The following TNRC6C variants were observed in gnomAD, a reference collection of about 807,000 sequenced individuals.
TNRC6C encodes trinucleotide repeat containing adaptor 6C, also known as trinucleotide repeat-containing gene 6C protein.
A neutral mutation model predicts 153.7 loss-of-function variants in TNRC6C; 20 were observed. That is an observed-to-expected ratio of 0.13 (90% CI 0.09 to 0.19). TNRC6C has a LOEUF of 0.19. Among genes scored for constraint, TNRC6C ranks in the 10% least tolerant of loss-of-function variants. The pLI, the probability that TNRC6C is intolerant of heterozygous loss-of-function variation, is 1.00. For missense variants in TNRC6C, 1,987 were observed against 2,172.0 expected (o/e 0.91, Z 1.69); for synonymous variants, 811 against 841.4 (o/e 0.96, Z 0.63).
At chr17:78,028,262 A>T (rs2071986905) in intron 1 of TNRC6C, among the ~76,000 whole-genome samples, 2 of 151,892 alleles carry the variant, frequency 1.3e-5, no homozygotes, top group South Asian at 2.1e-4. Flanking sequence ...TTTTCTGGGG[A>T]TGGGGAGAAG....
intron 1 of TNRC6C, among the ~76,000 whole-genome samples, chr17:78,025,605 A>G (rs938598162): frequency 4.7e-4 from 72 of 152,254 alleles, no homozygotes; most frequent in African/African-American, 1.6e-3. Context: ...GTAAATACCT[A>G]TTAGCTTTTC....
chr17:78,105,010 CAG>C, exon 20 of TNRC6C: 1 of 872,128 alleles, frequency 1.1e-6, no homozygotes, highest in Non-Finnish European at 1.6e-6. Context: ...GTTCGCAAAA[CAG>C]TGCGGGCTGC....
chr17:78,048,138 G>A (rs1326175933), intron 2 of TNRC6C, among the ~76,000 whole-genome samples: 1 of 150,562 alleles, frequency 6.6e-6, no homozygotes, highest in Non-Finnish European at 1.5e-5. Context: ...TTTTAGTGAT[G>A]TCCTTGAGCT....
At position 78,031,550 on chromosome 17, in the gene TNRC6C, C is replaced by T. The variant is rs185687023; in HGVS notation, c.-511C>T. 1.5e-5 allele frequency: 19 copies of T among 1,232,274 alleles called. No individual in the cohort carries two copies. In the Admixed American group the frequency reaches 7.6e-4, roughly 49 times the overall value. 76.3% of individuals were successfully genotyped at this position (1,232,274 alleles called of 1,614,324 possible). ...CTACTAAGACCTGTTCAAGCCAGCCCCAACCTGCCGGTACCAGTACCAGTA... is the reference window on the plus strand; with the variant it reads ...CTACTAAGACCTGTTCAAGCCAGCCTCAACCTGCCGGTACCAGTACCAGTA... On this transcript the variant is annotated 5_prime_UTR_variant, in exon 2 of 20. Coordinates refer to ENST00000301624, the Ensembl canonical transcript of TNRC6C.
chr17:77,996,037 C>T (rs112878654), intron 1 of TNRC6C, among the ~76,000 whole-genome samples: 6 of 152,256 alleles, frequency 3.9e-5, no homozygotes, highest in African/African-American at 1.4e-4. Flanking sequence ...CATACCACTG[C>T]ACTTTAACCT....
chr17:78,036,613 C>A (rs1010647231), intron 2 of TNRC6C, among the ~76,000 whole-genome samples: 1 of 151,958 alleles, frequency 6.6e-6, no homozygotes. Flanking sequence ...TACAAGGCAA[C>A]GGGCGAAATT....
chr17:77,990,018 C>T (rs1374349411), intron 1 of TNRC6C, among the ~76,000 whole-genome samples: 1 of 152,190 alleles, frequency 6.6e-6, no homozygotes, highest in Non-Finnish European at 1.5e-5. Flanking sequence ...GCATCTCAAA[C>T]GCGAGGTGTC....
At chr17:77,966,941 A>C (rs919009074) in intron 1 of TNRC6C, among the ~76,000 whole-genome samples, 13 of 152,342 alleles carry the variant, frequency 8.5e-5, no homozygotes, top group African/African-American at 2.9e-4. Flanking sequence ...CATAAATAGA[A>C]TAGCAGCATT....
intron 1 of TNRC6C, among the ~76,000 whole-genome samples, chr17:78,006,824 ATTTATTTT>A (rs1199032528): frequency 6.9e-5 from 10 of 145,248 alleles, no homozygotes; most frequent in African/African-American, 2.1e-4. Context: ...TTATTTATTT[ATTTATTTT>A]TTTTTTTTTT....
rs75740987 is a variant in TNRC6C at position 78,098,929 on chromosome 17, C to T, written c.4501+392C>T. Among the ~76,000 whole-genome samples, 811 of 152,246 alleles carry T rather than the reference C, an allele frequency of 5.3e-3. 3 individuals carry two copies. The highest frequency in any genetic ancestry group is 0.019 in the African/African-American group (777 of 41,532). On this transcript the variant is annotated intron_variant, in intron 17 of 19. Transcript: ENST00000301624. ...CTTCGCACAGGGATCTGGATTTCTG[C>T]TTTTTATATTTGCTTCTCCACAAGA...
intron 1 of TNRC6C, among the ~76,000 whole-genome samples, chr17:78,018,064 T>C (rs2071762345): frequency 6.6e-6 from 1 of 152,262 alleles, no homozygotes; most frequent in Non-Finnish European, 1.5e-5. Context: ...TACTATATGA[T>C]AAACTATAAA....
At chr17:77,974,718 A>G (rs538150732) in intron 1 of TNRC6C, among the ~76,000 whole-genome samples, 12 of 152,364 alleles carry the variant, frequency 7.9e-5, no homozygotes, top group African/African-American at 2.6e-4. Context: ...ATTAGCAACA[A>G]CAGTGCTATT....
chr17:78,039,309 G>GC (rs11306576), intron 2 of TNRC6C, among the ~76,000 whole-genome samples: 1,610 of 113,496 alleles, frequency 0.014, 66 homozygotes, highest in African/African-American at 0.05. Flanking sequence ...TTCAAATCTT[G>GC]CCCCCCCCCC....
At chr17:78,030,266 C>A (rs1259305506) in intron 1 of TNRC6C, among the ~76,000 whole-genome samples, 1 of 152,134 alleles carries the variant, frequency 6.6e-6, no homozygotes, top group Non-Finnish European at 1.5e-5. Context: ...TCTCCTGCCT[C>A]AGCCTCCTGA....
At chr17:78,016,594 C>G (rs2071733007) in intron 1 of TNRC6C, among the ~76,000 whole-genome samples, 2 of 152,162 alleles carry the variant, frequency 1.3e-5, no homozygotes, top group African/African-American at 4.8e-5. Flanking sequence ...GGTTTAGAAC[C>G]AGAGTAAGAT....
rs574657251 is a variant in TNRC6C at position 77,994,436 on chromosome 17, T to TCC, written c.-37-9733_-37-9732dup. Among the ~76,000 whole-genome samples, 492 of 152,292 alleles carry TCC rather than the reference T, an allele frequency of 3.2e-3. 4 individuals carry two copies. Among genetic ancestry groups the TCC allele is most frequent in the African/African-American group, 0.011 (458 of 41,550 alleles). On this transcript the variant is annotated intron_variant, in intron 1 of 22. Coordinates refer to the TNRC6C transcript ENST00000636222. Reference sequence around the variant, plus strand: ...GCTCACCTGCTCTCCCAAATTAAAATCCACCTTTGAACATAAGTTAGTTTA... The same window carrying TCC: ...GCTCACCTGCTCTCCCAAATTAAAATCCCCACCTTTGAACATAAGTTAGTTTA...
intron 14 of TNRC6C, among the ~76,000 whole-genome samples, 155 bp downstream of exon 16, chr17:78,091,762 C>T (rs910878471): frequency 6.6e-6 from 1 of 152,156 alleles, no homozygotes. Context: ...TATAAGATCT[C>T]AGCTAGTCAC....
At chr17:77,991,252 A>C (rs2071245318) in intron 1 of TNRC6C, among the ~76,000 whole-genome samples, 1 of 152,130 alleles carries the variant, frequency 6.6e-6, no homozygotes. Context: ...TGATGTATGT[A>C]TTGTTTGTTC....
chr17:78,021,901 A>G (rs1471790358), intron 1 of TNRC6C, among the ~76,000 whole-genome samples: 1 of 152,248 alleles, frequency 6.6e-6, no homozygotes, highest in Admixed American at 6.5e-5. Flanking sequence ...TTAAAATAAA[A>G]CAATACCTAC....
Sources: gnomAD v4.1 joint callset for allele counts (sites outside exome capture counted in the v4.1 genomes callset) on GRCh38, gnomAD v4.1.1 for gene constraint, MANE v1.5 for transcripts, NCBI Gene and HGNC (gene_info 2026-07-23, HGNC 2026-07-21) for gene names.